L3MBTL3: variants seen among roughly 807,000 people sequenced by gnomAD.
L3MBTL3 encodes the protein lethal(3)malignant brain tumor-like protein 3.
Under a neutral mutation model 102.3 loss-of-function variants are expected in L3MBTL3, and 27 were observed. The ratio of observed to expected loss-of-function variants is 0.26; its 90% confidence interval spans 0.19 to 0.36. The LOEUF (loss-of-function observed/expected upper bound fraction) is 0.36, where lower values mean the gene tolerates loss of function less well. Ranked by LOEUF, L3MBTL3 falls within the 10% of genes least tolerant of loss-of-function variation. L3MBTL3 has a pLI of 1.00. For missense variants in L3MBTL3, 798 were observed against 955.3 expected (o/e 0.84, Z 2.17); for synonymous variants, 340 against 320.9 (o/e 1.06, Z -0.64).
intron 2 of L3MBTL3, among the ~76,000 whole-genome samples, chr6:130,039,830 T>C (rs1780308942): frequency 6.6e-6 from 1 of 152,206 alleles, no homozygotes; most frequent in Non-Finnish European, 1.5e-5. Context: ...GCTTGAAGTA[T>C]ATGAAGAAAA....
At position 130,068,351 on chromosome 6, in the gene L3MBTL3, A is replaced by G. The variant is rs755111269; in HGVS notation, c.1022A>G (p.Asn341Ser). The G allele has an allele frequency of 6.9e-6, 11 of 1,598,516 alleles. No individual in the cohort carries two copies. Among genetic ancestry groups the G allele is most frequent in the Admixed American group, 6.7e-5 (4 of 59,944 alleles). Residue 341 changes from asparagine (N) to serine (S), a missense_variant, in exon 12 of 23, where the codon AAT (asparagine) becomes AGT (serine). Around this residue, in one of 4 missense-constraint regions of L3MBTL3, gnomAD observed 434 missense variants for 506.6 expected, o/e 0.86. Transcript: ENST00000361794. ...PPKGYKEEEF[N>S]WQTYLKTCKA... ...CTAGGGTATAAAGAAGAAGAATTCA[A>G]TTGGCAGACCTATCTTAAGACATGT...
chr6:130,129,163 A>T (rs1186013497), intron 20 of L3MBTL3, among the ~76,000 whole-genome samples: 1 of 152,050 alleles, frequency 6.6e-6, no homozygotes. Context: ...GGCACACAAA[A>T]ATCTTTTTAT....
chr6:130,068,229 TTTGA>T (rs1384267213), intron 11 of L3MBTL3, 97 bp from the exon 12 acceptor site: 12 of 606,794 alleles, frequency 2.0e-5, no homozygotes, highest in African/African-American at 1.1e-4. Flanking sequence ...TAAAAAGTCA[TTTGA>T]TTGATTTTGG....
In L3MBTL3 at chr6:130,062,474, C is replaced by T. The variant is rs1032629625; in HGVS notation, c.864+2334C>T. Among the ~76,000 whole-genome samples the T allele has an allele frequency of 4.4e-4, 67 of 151,960 alleles. 1 individual carries two copies. The highest frequency in any genetic ancestry group is 7.7e-4 in the Non-Finnish European group (52 of 67,972). ...TACATGGCCTCACTGCAGCCCCAAC[C>T]TTCTGGGCACAAGAGGTCCTCCCAC... On this transcript the variant is annotated intron_variant, in intron 10 of 22. Transcript: ENST00000361794.
intron 2 of L3MBTL3, among the ~76,000 whole-genome samples, chr6:130,035,394 T>A (rs1379500927): frequency 1.3e-5 from 2 of 152,200 alleles, no homozygotes; most frequent in Non-Finnish European, 2.9e-5. Flanking sequence ...GAGTCAGGTT[T>A]CACAACTTTG....
chr6:130,103,007 A>T (rs957787257), intron 18 of L3MBTL3, among the ~76,000 whole-genome samples: 1 of 152,238 alleles, frequency 6.6e-6, no homozygotes, highest in Admixed American at 6.5e-5. Context: ...GGTAATTAGC[A>T]CATAATAAAT....
At chr6:130,057,926 G>A (rs576399513) in intron 9 of L3MBTL3, among the ~76,000 whole-genome samples, 1 of 151,992 alleles carries the variant, frequency 6.6e-6, no homozygotes, top group South Asian at 2.1e-4. Context: ...GGTGGATCAC[G>A]AGGTCAGGAG....
At chr6:130,125,857 G>A (rs1051712097) in intron 20 of L3MBTL3, among the ~76,000 whole-genome samples, 6 of 152,128 alleles carry the variant, frequency 3.9e-5, no homozygotes, top group Admixed American at 1.3e-4. Flanking sequence ...GTAGGTCCAT[G>A]AGGCCTGTTT....
chr6:130,128,089 A>G (rs1786734860), intron 20 of L3MBTL3, among the ~76,000 whole-genome samples: 2 of 152,196 alleles, frequency 1.3e-5, no homozygotes, highest in Non-Finnish European at 2.9e-5. Flanking sequence ...TGGATGTAGC[A>G]TCACTTAACA....
rs888374460 is a variant in L3MBTL3 at position 130,117,216 on chromosome 6, T to C, written c.1887-3663T>C. ...CAATTCCCACCTATGAGTGAGAATA[T>C]GCCGTGTTTGGTTTTTTGTTCTTGT... is the stretch of plus-strand genomic sequence containing the variant. On this transcript the variant is annotated intron_variant, in intron 19 of 22. Transcript: ENST00000361794. Among the ~76,000 whole-genome samples, 38 of 142,056 alleles carry C rather than the reference T, an allele frequency of 2.7e-4. No homozygotes were observed. The Middle Eastern group carries it at 0.014, about 53-fold the overall frequency. The allele number at this position is 142,056 out of a possible 152,430, so 93.2% of individuals were successfully genotyped here.
chr6:130,035,587 C>T (rs1433892424), intron 2 of L3MBTL3, among the ~76,000 whole-genome samples: 1 of 152,196 alleles, frequency 6.6e-6, no homozygotes. Flanking sequence ...CTAGTGCCAG[C>T]AGTAATGGTC....
At chr6:130,075,359 T>C (rs1782883665) in intron 13 of L3MBTL3, among the ~76,000 whole-genome samples, 1 of 152,050 alleles carries the variant, frequency 6.6e-6, no homozygotes, top group South Asian at 2.1e-4. Flanking sequence ...GAATGGGTAC[T>C]TAGAGGTTGG....
chr6:130,033,314 T>TTGAG (rs1779846712), intron 2 of L3MBTL3, among the ~76,000 whole-genome samples: 1 of 152,150 alleles, frequency 6.6e-6, no homozygotes, highest in Admixed American at 6.5e-5. Flanking sequence ...TTTAGGAGTT[T>TTGAG]TGAGTATGTC....
intron 18 of L3MBTL3, among the ~76,000 whole-genome samples, chr6:130,102,978 A>G (rs1013435537): frequency 3.9e-5 from 6 of 152,222 alleles, no homozygotes; most frequent in African/African-American, 1.4e-4. Flanking sequence ...TTGTCCACTG[A>G]GTTTCCAATG....
intron 20 of L3MBTL3, among the ~76,000 whole-genome samples, chr6:130,130,157 A>G (rs1326179447): frequency 8.0e-6 from 1 of 125,318 alleles, no homozygotes; most frequent in African/African-American, 3.1e-5. Flanking sequence ...AGGCAACCAC[A>G]GACATAAGGG....
chr6:130,047,263 C>T (rs974988340), intron 3 of L3MBTL3, among the ~76,000 whole-genome samples: 4 of 152,040 alleles, frequency 2.6e-5, no homozygotes, highest in East Asian at 1.9e-4. Context: ...AACTGTGCCC[C>T]GAAGTGACAT....
chr6:130,032,507 C>G (rs1284856151), intron 2 of L3MBTL3, among the ~76,000 whole-genome samples: 1 of 151,992 alleles, frequency 6.6e-6, no homozygotes, highest in African/African-American at 2.4e-5. Flanking sequence ...GAGTGACTTT[C>G]ATGAATTTGA....
At chr6:130,066,286 G>GTGTATATA (rs1554227522) in intron 10 of L3MBTL3, 67 bp from the exon 11 acceptor site, 106 of 387,618 alleles carry the variant, frequency 2.7e-4, no homozygotes, top group Non-Finnish European at 4.1e-4. Flanking sequence ...TTATTTTTGT[G>GTGTATATA]TATATATATA....
intron 3 of L3MBTL3, among the ~76,000 whole-genome samples, chr6:130,048,480 C>T (rs1442105487): frequency 2.6e-5 from 4 of 152,142 alleles, no homozygotes; most frequent in Admixed American, 2.0e-4. Flanking sequence ...CACAGTACAA[C>T]CAGGTTGTTG....
Sources: allele counts gnomAD v4.1 joint callset (sites outside exome capture counted in the v4.1 genomes callset), GRCh38; gene constraint gnomAD v4.1.1; regional missense constraint gnomAD v4.1.1; transcripts MANE v1.5; gene names NCBI Gene and HGNC (gene_info 2026-07-23, HGNC 2026-07-21).